The following SLC26A5 variants were observed in gnomAD, a reference collection of about 807,000 sequenced individuals.
The protein encoded by SLC26A5 is prestin.
A neutral mutation model predicts 81.0 loss-of-function variants in SLC26A5; 51 were observed. That is an observed-to-expected ratio of 0.63 (90% CI 0.50 to 0.80). SLC26A5 has a LOEUF of 0.80. Among genes scored for constraint, SLC26A5 ranks in the 30% least tolerant of loss-of-function variants. SLC26A5 has a pLI of 0.00. For missense variants in SLC26A5, 771 were observed against 905.8 expected, an observed-to-expected ratio of 0.85 and a Z score of 1.91; for synonymous variants, 325 against 332.8, an observed-to-expected ratio of 0.98 and a Z score of 0.25.
At chr7:103,436,086 A>T (rs1225319611) in intron 2 of SLC26A5, among the ~76,000 whole-genome samples, 1 of 152,180 alleles carries the variant, frequency 6.6e-6, no homozygotes, top group African/African-American at 2.4e-5. Flanking sequence ...TGGTAGAATT[A>T]TGAGTAATTT....
chr7:103,401,673 T>C (rs1231890090), intron 8 of SLC26A5, among the ~76,000 whole-genome samples: 6 of 152,240 alleles, frequency 3.9e-5, no homozygotes, highest in Non-Finnish European at 8.8e-5. Flanking sequence ...TTTTTGCCTA[T>C]TCAGTATGAT....
rs757650653 is a variant in SLC26A5, at chr7:103,413,053, A to G, written c.352T>C (p.Tyr118His). The G allele has an allele frequency of 6.8e-6, 11 of 1,613,908 alleles. No individual in the cohort carries two copies. The highest frequency in any genetic ancestry group is 1.7e-6 in the Non-Finnish European group (2 of 1,179,924). The change falls in exon 5 of 20, where the codon TAC becomes CAC. Residue 118 changes from tyrosine to histidine, a missense_variant. Physicochemically the swap from Tyr to His is moderately conservative, Grantham distance 83 (BLOSUM62 2). Coordinates refer to ENST00000306312, the MANE Select transcript of SLC26A5 (RefSeq NM_198999.3). ...PPIFGLYSSF[Y>H]PVIMYCFLGT... ...AGAAAACAATACATGATAACAGGGT[A>G]AAATGAAGAGTACAGGCCAAATATT...
At chr7:103,437,035 A>C (rs1368738040) in intron 2 of SLC26A5, among the ~76,000 whole-genome samples, 1 of 152,226 alleles carries the variant, frequency 6.6e-6, no homozygotes, top group African/African-American at 2.4e-5. Flanking sequence ...CAAACCACAC[A>C]TCTGACAAGT....
At position 103,420,289 on chromosome 7, in the gene SLC26A5, CTTTTTTTTTTT is replaced by C. The variant is rs35755959; in HGVS notation, c.292+438_292+448del. ...TTTTCTACTATTAATATCCCTGGAGCTTTTTTTTTTTTTTTTTTTTTTTTGAGACAGGGACT... is the reference window on the plus strand; with the variant it reads ...TTTTCTACTATTAATATCCCTGGAGCTTTTTTTTTTTTTGAGACAGGGACT... On this transcript the variant is annotated intron_variant, in intron 4 of 19. Coordinates refer to ENST00000306312, the MANE Select transcript of SLC26A5 (RefSeq NM_198999.3). 1.2e-4 allele frequency among the ~76,000 whole-genome samples: 11 copies of C among 90,598 alleles called. No individual in the cohort carries two copies. In the East Asian group the frequency reaches 3.8e-3, roughly 31 times the overall value. The allele number at this position is 90,598 out of a possible 152,430, so 59.4% of individuals were successfully genotyped here. A position where few individuals can be genotyped will look rare whatever the true frequency, so the allele number is the denominator to read the frequency against.
rs1394695050 is a variant in SLC26A5, at chr7:103,367,004, C to CA, written c.2041+9803dup. ...ATTTTTAGTAGAGACGTGGTTTCAC[C>CA]ATGTTGGCCAGGCTGGTCTCGAACT... On this transcript the variant is annotated intron_variant, in intron 19 of 19. Transcript: ENST00000339444. This position sits in a 1 kb window ranked among gnomAD's most constrained non-coding sequence, Gnocchi z 6.1. Among the ~76,000 whole-genome samples, 1 of 152,110 alleles carries CA rather than the reference C, an allele frequency of 6.6e-6. No individual in the cohort carries two copies. Among genetic ancestry groups the CA allele is most frequent in the Non-Finnish European group, 1.5e-5 (1 of 68,026 alleles).
chr7:103,397,589 C>T (rs943334131), intron 9 of SLC26A5, among the ~76,000 whole-genome samples: 18 of 144,110 alleles, frequency 1.2e-4, no homozygotes, highest in Admixed American at 2.1e-4. Context: ...TGGTAGCATA[C>T]GCCTGTAATC....
intron 2 of SLC26A5, among the ~76,000 whole-genome samples, chr7:103,434,252 T>C (rs1419955668): frequency 3.3e-5 from 5 of 152,234 alleles, no homozygotes; most frequent in Admixed American, 2.6e-4. Flanking sequence ...AATATGATTC[T>C]AAGTTCAAAA....
At chr7:103,428,801 C>T (rs1460980758) in intron 2 of SLC26A5, among the ~76,000 whole-genome samples, 2 of 152,166 alleles carry the variant, frequency 1.3e-5, no homozygotes, top group Non-Finnish European at 2.9e-5. Context: ...CTCTTGACCT[C>T]AAGTGATCCA....
chr7:103,381,577 T>C (rs1249565861), intron 14 of SLC26A5, among the ~76,000 whole-genome samples: 3 of 147,028 alleles, frequency 2.0e-5, no homozygotes, highest in Admixed American at 6.7e-5. Flanking sequence ...TACATACATA[T>C]ACACACACAC....
At chr7:103,380,391 A>T in intron 15 of SLC26A5, 89 bp downstream of exon 15, 1 of 1,061,860 alleles carries the variant, frequency 9.4e-7, no homozygotes, top group Non-Finnish European at 1.5e-6. Flanking sequence ...CTCCCATCTT[A>T]CCCCTACTTT....
intron 9 of SLC26A5, among the ~76,000 whole-genome samples, chr7:103,394,453 C>T (rs1005588237): frequency 6.6e-6 from 1 of 152,214 alleles, no homozygotes; most frequent in Admixed American, 6.5e-5. Flanking sequence ...GAAGGCCTAG[C>T]AGCAGGTTTG....
intron 6 of SLC26A5, 50 bp downstream of exon 6, chr7:103,411,370 T>C: frequency 6.2e-7 from 1 of 1,608,718 alleles, no homozygotes; most frequent in East Asian, 2.2e-5. Flanking sequence ...CAGTAGATAC[T>C]TGTTAGGTTA....
At chr7:103,353,786 C>T in intron 19 of SLC26A5, 1 of 731,786 alleles carries the variant, frequency 1.4e-6, no homozygotes, top group Non-Finnish European at 2.3e-6. Flanking sequence ...GAATATGTAT[C>T]ATCATAATCT....
chr7:103,371,695 ATTTT>A (rs72068482), downstream of SLC26A5, among the ~76,000 whole-genome samples: 2 of 127,056 alleles, frequency 1.6e-5, no homozygotes, highest in South Asian at 2.5e-4. Flanking sequence ...ATGTGCAATA[ATTTT>A]TTTTTTTTTT....
intron 2 of SLC26A5, among the ~76,000 whole-genome samples, chr7:103,430,361 G>A (rs928563116): frequency 6.6e-6 from 1 of 152,214 alleles, no homozygotes; most frequent in Non-Finnish European, 1.5e-5. Context: ...TTACAGGCGT[G>A]AGCCAACGCG....
chr7:103,385,935 CT>C (rs1338061515), intron 14 of SLC26A5, among the ~76,000 whole-genome samples: 25 of 138,962 alleles, frequency 1.8e-4, no homozygotes, highest in Admixed American at 3.6e-4. Flanking sequence ...TTCTTTCTTT[CT>C]TTTTTTTTTG....
chr7:103,433,521 T>C (rs1826227232), intron 2 of SLC26A5: 1 of 152,078 alleles, frequency 6.6e-6, no homozygotes, highest in African/African-American at 2.4e-5. Context: ...AGTAACTGGT[T>C]GTATAAATCA....
chr7:103,366,244 T>C (rs756469920), intron 19 of SLC26A5: 1 of 1,270,052 alleles, frequency 7.9e-7, no homozygotes, highest in African/African-American at 1.5e-5. Context: ...TATGTTAATC[T>C]TGTACAGAAT....
chr7:103,420,324 C>A (rs1825245307), intron 4 of SLC26A5, among the ~76,000 whole-genome samples: 1 of 127,784 alleles, frequency 7.8e-6, no homozygotes, highest in East Asian at 2.5e-4. Context: ...GAGACAGGGA[C>A]TCACTCTGTC....
Sources: gnomAD v4.1 joint callset for allele counts (sites outside exome capture counted in the v4.1 genomes callset) on GRCh38, gnomAD v4.1.1 for gene constraint, Gnocchi (gnomAD v3.1) non-coding constraint, MANE v1.5 for transcripts, NCBI Gene and HGNC (gene_info 2026-07-23, HGNC 2026-07-21) for gene names.